BTBD10: variants seen among roughly 807,000 people sequenced by gnomAD.
BTBD10 encodes BTB/POZ domain-containing protein 10.
In BTBD10, 21 loss-of-function variants were observed where a neutral mutation model predicts 53.2. The ratio of observed to expected loss-of-function variants is 0.39; its 90% CI spans 0.28 to 0.57. The LOEUF (loss-of-function observed/expected upper bound fraction) is 0.57, where lower values mean the gene tolerates loss of function less well. Among genes scored for constraint, BTBD10 ranks in the 20% least tolerant of loss-of-function variants. BTBD10 has a pLI of 0.53. For synonymous variants in BTBD10, 149 were observed against 192.7 expected (o/e 0.77, Z 1.88); for missense variants, 360 against 594.7 (o/e 0.61, Z 4.10).
At chr11:13,449,864 T>A (rs1950823090) in intron 1 of BTBD10, among the ~76,000 whole-genome samples, 1 of 152,192 alleles carries the variant, frequency 6.6e-6, no homozygotes, top group Non-Finnish European at 1.5e-5. Flanking sequence ...ATTAATCCAT[T>A]TATTAGGGCT....
chr11:13,457,709 C>T (rs1447187134), intron 1 of BTBD10, among the ~76,000 whole-genome samples: 3 of 152,028 alleles, frequency 2.0e-5, no homozygotes, highest in Non-Finnish European at 1.5e-5. Context: ...AGTTCTCTTT[C>T]GATATACTTT....
chr11:13,416,197 C>T (rs755299149), intron 5 of BTBD10, among the ~76,000 whole-genome samples: 13 of 151,030 alleles, frequency 8.6e-5, no homozygotes, highest in African/African-American at 3.2e-4. Flanking sequence ...ACTAAAAATA[C>T]AAAAAAATTA....
chr11:13,430,974 TAC>T (rs3046409), intron 2 of BTBD10, among the ~76,000 whole-genome samples: 21 of 144,378 alleles, frequency 1.5e-4, no homozygotes, highest in South Asian at 4.5e-4. Context: ...TGGAGATACA[TAC>T]ACACACACAC....
chr11:13,443,459 T>C (rs1950699194), intron 2 of BTBD10, among the ~76,000 whole-genome samples: 1 of 152,080 alleles, frequency 6.6e-6, no homozygotes. Context: ...TAGTGCAGTA[T>C]TATACCTTAG....
chr11:13,409,289 T>C (rs1188914496), intron 6 of BTBD10, among the ~76,000 whole-genome samples: 1 of 152,220 alleles, frequency 6.6e-6, no homozygotes, highest in African/African-American at 2.4e-5. Flanking sequence ...AAGTAACTTC[T>C]TCACTTTTTT....
At chr11:13,438,665 A>G (rs1220946238) in intron 2 of BTBD10, among the ~76,000 whole-genome samples, 11 of 151,966 alleles carry the variant, frequency 7.2e-5, no homozygotes, top group Non-Finnish European at 1.5e-5. Context: ...TATACACAGA[A>G]AAAACAGGTT....
At chr11:13,452,121 G>A (rs1950872882) in intron 1 of BTBD10, among the ~76,000 whole-genome samples, 1 of 152,110 alleles carries the variant, frequency 6.6e-6, no homozygotes, top group African/African-American at 2.4e-5. Flanking sequence ...AGGAGGGACA[G>A]TATCTAATAA....
At position 13,444,967 on chromosome 11, in the gene BTBD10, C is replaced by T. The variant is rs933826405; in HGVS notation, c.101+57G>A. 23 of 1,387,744 alleles carry T rather than the reference C, an allele frequency of 1.7e-5. No individual in the cohort carries two copies. The African/African-American group carries it at 3.3e-4, about 20-fold the overall frequency. The allele number at this position is 1,387,744 out of a possible 1,614,324, so 86.0% of individuals were successfully genotyped here. On this transcript the variant is annotated intron_variant, in intron 2 of 8. Transcript: ENST00000278174. ...TGCCACAACCAAATGCAGTAGTATT[C>T]TTTACAATCAGTTTTTAGCAGAGCT...
chr11:13,401,966 G>A (rs933207828), intron 8 of BTBD10, among the ~76,000 whole-genome samples: 3 of 152,018 alleles, frequency 2.0e-5, no homozygotes, highest in Non-Finnish European at 4.4e-5. Flanking sequence ...TATTTTCTCC[G>A]TCTAGAACCA....
chr11:13,397,411 G>A (rs906889725), intron 8 of BTBD10, among the ~76,000 whole-genome samples: 10 of 152,008 alleles, frequency 6.6e-5, no homozygotes, highest in South Asian at 2.1e-4. Context: ...TTTTTATTGC[G>A]TCTATTTGAT....
intron 2 of BTBD10, among the ~76,000 whole-genome samples, chr11:13,425,234 G>A (rs1213781664): frequency 6.6e-6 from 1 of 152,148 alleles, no homozygotes; most frequent in African/African-American, 2.4e-5. Flanking sequence ...AAGAGAATTA[G>A]AAGGTTCTAA....
intron 6 of BTBD10, 152 bp from the exon 7 acceptor site, chr11:13,406,008 C>T (rs1949817001): frequency 2.8e-6 from 2 of 709,390 alleles, no homozygotes; most frequent in Non-Finnish European, 4.6e-6. Flanking sequence ...TATTACAAAA[C>T]TAATTTGCAA....
chr11:13,437,847 T>C (rs1268699075), intron 2 of BTBD10, among the ~76,000 whole-genome samples: 1 of 152,182 alleles, frequency 6.6e-6, no homozygotes, highest in Non-Finnish European at 1.5e-5. Flanking sequence ...AGTTCTTTTA[T>C]TCTCAGAAAA....
At chr11:13,404,733 G>T in intron 7 of BTBD10, 2 of 366,446 alleles carry the variant, frequency 5.5e-6, no homozygotes, top group Non-Finnish European at 7.6e-6. Flanking sequence ...AGTACATCAT[G>T]CAAAAGAAAT....
At chr11:13,420,570 A>G (rs1046731564) in intron 3 of BTBD10, among the ~76,000 whole-genome samples, 2 of 152,178 alleles carry the variant, frequency 1.3e-5, no homozygotes, top group Non-Finnish European at 2.9e-5. Flanking sequence ...AGATCACTAA[A>G]CTTTAAAGGT....
rs571966995 is a variant in BTBD10 at position 13,425,356 on chromosome 11, GC to G, written c.102-3519del. 2.6e-5 allele frequency among the ~76,000 whole-genome samples: 4 copies of G among 152,128 alleles called. No individual in the cohort carries two copies. The South Asian group carries it at 8.3e-4, about 32-fold the overall frequency. On this transcript the variant is annotated intron_variant, in intron 2 of 8. Transcript: ENST00000278174. ...CCCTATAGCTAAATCCTAAAGCAAA[GC>G]TCAAGAATATTTATAAGAAATATCA...
intron 2 of BTBD10, chr11:13,440,185 C>G: frequency 6.9e-7 from 1 of 1,440,924 alleles, no homozygotes; most frequent in East Asian, 2.8e-5. Context: ...AGAGATACAA[C>G]CCCCTCTACA....
chr11:13,423,061 A>C (rs1220904962), intron 2 of BTBD10, among the ~76,000 whole-genome samples: 2 of 152,206 alleles, frequency 1.3e-5, no homozygotes, highest in African/African-American at 4.8e-5. Context: ...AAGAAAAAAG[A>C]CATTGCTATA....
intron 1 of BTBD10, among the ~76,000 whole-genome samples, chr11:13,461,929 A>G (rs939215105): frequency 7.0e-6 from 1 of 142,144 alleles, no homozygotes; most frequent in Admixed American, 7.0e-5. Context: ...TTCTTCTCAC[A>G]CTTTTTTTTT....
Sources: allele counts gnomAD v4.1 joint callset (sites outside exome capture counted in the v4.1 genomes callset), GRCh38; gene constraint gnomAD v4.1.1; transcripts MANE v1.5; gene names NCBI Gene and HGNC (gene_info 2026-07-23, HGNC 2026-07-21).